MYOCOS: variants seen among roughly 807,000 people sequenced by gnomAD.
The protein encoded by MYOCOS is myocilin opposite strand, also known as myocilin opposite strand protein.
At chr1:171,625,584 C>T (rs1467711214) in intron 2 of MYOCOS, among the ~76,000 whole-genome samples, 1 of 152,158 alleles carries the variant, frequency 6.6e-6, no homozygotes, top group Non-Finnish European at 1.5e-5. Context: ...AGTCCTATGC[C>T]CTTGAAGGCA....
chr1:171,610,056 C>A (rs754366534), intron 1 of MYOCOS, among the ~76,000 whole-genome samples: 1 of 152,216 alleles, frequency 6.6e-6, no homozygotes, highest in Non-Finnish European at 1.5e-5. Flanking sequence ...TCCAAGCAAG[C>A]AAGCAAGCCA....
chr1:171,608,865 T>A (rs933737340), intron 1 of MYOCOS, among the ~76,000 whole-genome samples: 1 of 151,988 alleles, frequency 6.6e-6, no homozygotes, highest in Admixed American at 6.6e-5. Context: ...GAGCCTACAC[T>A]CCCAGCAGCT....
chr1:171,618,544 G>A (rs977099028), upstream of MYOCOS, among the ~76,000 whole-genome samples: 12 of 151,052 alleles, frequency 7.9e-5, no homozygotes, highest in Admixed American at 3.3e-4. Context: ...TCTTTCAAGA[G>A]GATCACTATC....
chr1:171,606,326 AAAGT>A (rs754762883), intron 1 of MYOCOS, among the ~76,000 whole-genome samples: 22 of 152,364 alleles, frequency 1.4e-4, no homozygotes, highest in Non-Finnish European at 2.1e-4. Flanking sequence ...CCACTAATAA[AAAGT>A]AAGAGTCTCA....
At chr1:171,617,432 G>A (rs1050604682), upstream of MYOCOS, among the ~76,000 whole-genome samples, 9 of 152,100 alleles carry the variant, frequency 5.9e-5, no homozygotes, top group African/African-American at 1.4e-4. Context: ...AAAATAAGAG[G>A]AAACAAGCAG....
intron 1 of MYOCOS, among the ~76,000 whole-genome samples, chr1:171,608,226 C>T (rs1652286544): frequency 6.6e-6 from 1 of 152,020 alleles, no homozygotes; most frequent in African/African-American, 2.4e-5. Context: ...AAGAGATGTG[C>T]ACAGAAAGTT....
chr1:171,606,136 A>G (rs897299386), intron 1 of MYOCOS, among the ~76,000 whole-genome samples: 2 of 152,244 alleles, frequency 1.3e-5, no homozygotes, highest in African/African-American at 4.8e-5. Flanking sequence ...AATAGGAGTT[A>G]TAATAGTAAT....
Position 171,616,761 on chromosome 1 carries a change from G to A in MYOCOS, c.-44+1756G>A, listed in dbSNP as rs966215640. On this transcript the variant is annotated intron_variant, in intron 2 of 3. Coordinates refer to the MYOCOS transcript ENST00000636697. ...TGATGAATGTCATATCCTATAGATG[G>A]CATTGTAAGGAACATGGCTGTGCTT... Among the ~76,000 whole-genome samples, 12 of 152,324 alleles carry A rather than the reference G, an allele frequency of 7.9e-5. 1 individual carries two copies. Among genetic ancestry groups the A allele is most frequent in the African/African-American group, 2.9e-4 (12 of 41,568 alleles).
At chr1:171,616,415 C>G (rs1287068524) in intron 2 of MYOCOS, among the ~76,000 whole-genome samples, 4 of 151,962 alleles carry the variant, frequency 2.6e-5, no homozygotes, top group Non-Finnish European at 4.4e-5. Context: ...TGGTGCACAC[C>G]TGTAATCCCA....
intron 1 of MYOCOS, among the ~76,000 whole-genome samples, chr1:171,611,565 A>G (rs970445878): frequency 6.6e-6 from 1 of 152,174 alleles, no homozygotes; most frequent in Non-Finnish European, 1.5e-5. Context: ...TTTGTGAGTC[A>G]CCAATACCTC....
chr1:171,612,744 T>A (rs1339320378), intron 1 of MYOCOS, among the ~76,000 whole-genome samples: 2 of 151,984 alleles, frequency 1.3e-5, no homozygotes, highest in Non-Finnish European at 2.9e-5. Context: ...GCAGGAGAAT[T>A]GCTTGAACCT....
At chr1:171,612,047 C>T (rs945679278) in intron 1 of MYOCOS, among the ~76,000 whole-genome samples, 12 of 152,026 alleles carry the variant, frequency 7.9e-5, no homozygotes, top group Non-Finnish European at 1.5e-4. Context: ...GAACTGCTGG[C>T]CCTGTACCCT....
chr1:171,612,188 T>G (rs1174305701), intron 1 of MYOCOS, among the ~76,000 whole-genome samples: 1 of 152,106 alleles, frequency 6.6e-6, no homozygotes, highest in Non-Finnish European at 1.5e-5. Context: ...GCGATTCTCC[T>G]GCCTCACAGC....
At chr1:171,610,105 T>C (rs1239254188) in intron 1 of MYOCOS, among the ~76,000 whole-genome samples, 4 of 152,244 alleles carry the variant, frequency 2.6e-5, no homozygotes, top group African/African-American at 9.6e-5. Context: ...ACAAGTCTTA[T>C]AATTTAGTGT....
upstream of MYOCOS, among the ~76,000 whole-genome samples, chr1:171,617,356 A>G (rs1256803596): frequency 1.3e-5 from 2 of 152,114 alleles, no homozygotes; most frequent in Non-Finnish European, 2.9e-5. Flanking sequence ...TAACAGGGAA[A>G]TGAGTGTAGA....
At chr1:171,605,736 A>G (rs888839036) in intron 1 of MYOCOS, among the ~76,000 whole-genome samples, 8 of 152,218 alleles carry the variant, frequency 5.3e-5, no homozygotes, top group Admixed American at 6.5e-5. Context: ...AAAAAATTAT[A>G]CAATACTATA....
upstream of MYOCOS, among the ~76,000 whole-genome samples, chr1:171,618,968 G>A (rs1291203995): frequency 6.6e-6 from 1 of 152,144 alleles, no homozygotes; most frequent in East Asian, 1.9e-4. Flanking sequence ...TATCGTTTGA[G>A]ATAATTTCAA....
upstream of MYOCOS, among the ~76,000 whole-genome samples, chr1:171,621,438 C>T (rs533228778): frequency 1.2e-4 from 17 of 142,436 alleles, no homozygotes; most frequent in African/African-American, 4.0e-4. Flanking sequence ...TGCAGTGGCG[C>T]GATCTCGGCT....
At chr1:171,605,394 C>CACACACACACACAA (rs376886204) in intron 1 of MYOCOS, among the ~76,000 whole-genome samples, 1 of 127,544 alleles carries the variant, frequency 7.8e-6, no homozygotes, top group South Asian at 2.5e-4. Flanking sequence ...CACACACACA[C>CACACACACACACAA]AAAAAAAAAA....
Sources: allele counts gnomAD v4.1 joint callset (sites outside exome capture counted in the v4.1 genomes callset), GRCh38; gene constraint gnomAD v4.1.1; transcripts MANE v1.5; gene names NCBI Gene and HGNC (gene_info 2026-07-23, HGNC 2026-07-21).